FANCC: variants seen among roughly 807,000 people sequenced by gnomAD.
FANCC encodes FA complementation group C, also known as Fanconi anemia group C protein.
FANCC carries 55 observed loss-of-function variants against 71.3 expected under a neutral mutation model. The ratio of observed to expected loss-of-function variants is 0.77; its 90% CI spans 0.62 to 0.97. The LOEUF (loss-of-function observed/expected upper bound fraction) is 0.97. Ranked by LOEUF, FANCC falls within the 50% of genes least tolerant of loss-of-function variation. The pLI is 0.00. For synonymous variants in FANCC, 275 were observed against 244.9 expected, an observed-to-expected ratio of 1.12 and a Z score of -1.15; for missense variants, 678 against 670.9, an observed-to-expected ratio of 1.01 and a Z score of -0.12.
chr9:95,107,564 A>C (rs2071550527), intron 13 of FANCC: 1 of 505,932 alleles, frequency 2.0e-6, no homozygotes, highest in East Asian at 3.4e-5. Context: ...GAATGTAGTC[A>C]GATTTTTATA....
At chr9:95,238,113 CATCA>C (rs922342708) in intron 4 of FANCC, among the ~76,000 whole-genome samples, 5 of 152,172 alleles carry the variant, frequency 3.3e-5, no homozygotes, top group Non-Finnish European at 5.9e-5. Context: ...CATTCTGTAG[CATCA>C]ATCATTCTTC....
intron 6 of FANCC, among the ~76,000 whole-genome samples, chr9:95,159,235 A>G (rs377171985): frequency 5.0e-4 from 76 of 152,260 alleles, no homozygotes; most frequent in African/African-American, 1.7e-3. Context: ...CCCTGTGTCC[A>G]AGTGTTCTCA....
chr9:95,204,180 C>T (rs571388220), intron 4 of FANCC, among the ~76,000 whole-genome samples: 2 of 152,284 alleles, frequency 1.3e-5, no homozygotes, highest in East Asian at 1.9e-4. Flanking sequence ...TTTAAACTTA[C>T]GTAAAACATT....
chr9:95,169,511 C>T (rs1170065235), intron 6 of FANCC, among the ~76,000 whole-genome samples: 1 of 152,190 alleles, frequency 6.6e-6, no homozygotes, highest in Non-Finnish European at 1.5e-5. Flanking sequence ...AGTCTGCTTC[C>T]TAAAAAGTGA....
chr9:95,281,541 GTTC>G (rs1233711804), intron 1 of FANCC, among the ~76,000 whole-genome samples: 1 of 152,082 alleles, frequency 6.6e-6, no homozygotes, highest in Non-Finnish European at 1.5e-5. Flanking sequence ...GCTAAAGGGA[GTTC>G]TTCAAGATGA....
intron 13 of FANCC, chr9:95,110,170 T>C: frequency 2.3e-6 from 2 of 871,698 alleles, no homozygotes; most frequent in Non-Finnish European, 2.8e-6. Flanking sequence ...TATTTTTTCA[T>C]AAAAAAGGAC....
chr9:95,210,173 A>G (rs1014445157), intron 4 of FANCC, among the ~76,000 whole-genome samples: 6 of 152,206 alleles, frequency 3.9e-5, no homozygotes, highest in Non-Finnish European at 8.8e-5. Context: ...AAATCAATAC[A>G]TAGCAAAACT....
intron 10 of FANCC, among the ~76,000 whole-genome samples, chr9:95,118,831 G>C (rs1315604815): frequency 2.6e-5 from 4 of 152,162 alleles, no homozygotes; most frequent in African/African-American, 9.7e-5. Context: ...ATGTGCATTT[G>C]GGCTGCTTCC....
At chr9:95,130,933 T>C (rs568266234) in intron 8 of FANCC, among the ~76,000 whole-genome samples, 13 of 152,302 alleles carry the variant, frequency 8.5e-5, no homozygotes, top group Middle Eastern at 3.4e-3. Flanking sequence ...ATTATGCCAT[T>C]TGCTTCTTTT....
Position 95,222,915 on chromosome 9 carries a change from G to T in FANCC, c.345+17734C>A, listed in dbSNP as rs765786944. Among the ~76,000 whole-genome samples the T allele has an allele frequency of 8.5e-5, 13 of 152,176 alleles. No homozygotes were observed. The South Asian group carries it at 1.0e-3, about 12-fold the overall frequency. On this transcript the variant is annotated intron_variant, in intron 4 of 14. Coordinates refer to ENST00000289081, the MANE Select transcript of FANCC (RefSeq NM_000136.3). ...TCACATTTCAAAGGCTATACAAAAT[G>T]ACCATACAATATTTCATCAAGTAGT...
intron 1 of FANCC, among the ~76,000 whole-genome samples, chr9:95,251,002 T>C (rs1017624654): frequency 6.6e-6 from 1 of 152,202 alleles, no homozygotes; most frequent in African/African-American, 2.4e-5. Flanking sequence ...CAGCACCGTC[T>C]CTGACAGCCC....
At chr9:95,304,203 A>G (rs1834933780) in intron 1 of FANCC, among the ~76,000 whole-genome samples, 1 of 152,228 alleles carries the variant, frequency 6.6e-6, no homozygotes, top group Non-Finnish European at 1.5e-5. Context: ...AAGATACTAG[A>G]ACATCTGCTT....
At chr9:95,293,178 GACT>G (rs1834162441) in intron 1 of FANCC, 1 of 1,612,222 alleles carries the variant, frequency 6.2e-7, no homozygotes, top group African/African-American at 1.3e-5. Context: ...CTGACAAGCA[GACT>G]CTTTCTTACA....
At chr9:95,150,545 G>A (rs1186364546) in intron 6 of FANCC, among the ~76,000 whole-genome samples, 1 of 152,132 alleles carries the variant, frequency 6.6e-6, no homozygotes, top group African/African-American at 2.4e-5. Context: ...ACCACCTCTA[G>A]CCTGGGTGAC....
At chr9:95,203,918 G>C (rs1443596696) in intron 4 of FANCC, among the ~76,000 whole-genome samples, 7 of 152,174 alleles carry the variant, frequency 4.6e-5, no homozygotes, top group Non-Finnish European at 1.0e-4. Flanking sequence ...CTGGAAAAGG[G>C]AGGACCTTGT....
intron 4 of FANCC, among the ~76,000 whole-genome samples, chr9:95,187,960 C>G (rs1052673798): frequency 2.0e-5 from 3 of 151,290 alleles, no homozygotes; most frequent in Admixed American, 2.0e-4. Context: ...TTCTGCCACT[C>G]AGTGAAGAAA....
intron 4 of FANCC, among the ~76,000 whole-genome samples, chr9:95,213,093 T>C (rs1828610161): frequency 6.6e-6 from 1 of 152,210 alleles, no homozygotes; most frequent in Admixed American, 6.5e-5. Flanking sequence ...TTATTTCGAC[T>C]ACATGTTGCA....
chr9:95,138,145 G>A (rs552241244), intron 7 of FANCC, among the ~76,000 whole-genome samples: 6 of 152,350 alleles, frequency 3.9e-5, no homozygotes, highest in South Asian at 2.1e-4. Flanking sequence ...TCCCCTCCCC[G>A]CACAGAAGAG....
intron 4 of FANCC, among the ~76,000 whole-genome samples, chr9:95,212,121 T>C (rs1828544923): frequency 6.6e-6 from 1 of 152,228 alleles, no homozygotes; most frequent in East Asian, 1.9e-4. Context: ...CAATGATCTT[T>C]GGGAAAATCT....
Sources: allele counts gnomAD v4.1 joint callset (sites outside exome capture counted in the v4.1 genomes callset), GRCh38; gene constraint gnomAD v4.1.1; transcripts MANE v1.5; gene names NCBI Gene and HGNC (gene_info 2026-07-23, HGNC 2026-07-21).